Variants in SEMA3D observed in about 807,000 individuals in gnomAD.
The protein encoded by SEMA3D is semaphorin 3D.
Under a neutral mutation model 100.1 loss-of-function variants are expected in SEMA3D, and 84 were observed. That is an observed-to-expected ratio of 0.84 (90% confidence interval 0.70 to 1.01). SEMA3D has a LOEUF of 1.01. Among genes scored for constraint, SEMA3D ranks in the 50% least tolerant of loss-of-function variants. SEMA3D has a pLI of 0.00. For synonymous variants in SEMA3D, 312 were observed against 320.7 expected, an observed-to-expected ratio of 0.97 and a Z score of 0.29; for missense variants, 875 against 934.1, an observed-to-expected ratio of 0.94 and a Z score of 0.82.
At chr7:85,036,274 T>G (rs1790689894) in intron 12 of SEMA3D, among the ~76,000 whole-genome samples, 2 of 152,132 alleles carry the variant, frequency 1.3e-5, no homozygotes, top group African/African-American at 4.8e-5. Context: ...AGTTGTTTTT[T>G]GTTTTAAACA....
chr7:85,161,279 G>T (rs1306721903), intron 1 of SEMA3D, among the ~76,000 whole-genome samples: 1 of 151,944 alleles, frequency 6.6e-6, no homozygotes, highest in Non-Finnish European at 1.5e-5. Context: ...TTTTAACATG[G>T]CTTACAGTGA....
intron 2 of SEMA3D, among the ~76,000 whole-genome samples, chr7:85,136,966 A>C (rs2116450130): frequency 6.6e-6 from 1 of 152,216 alleles, no homozygotes. Context: ...TAAATTTAGT[A>C]TGTTGATATG....
At chr7:85,034,187 T>C (rs1790627418) in intron 12 of SEMA3D, among the ~76,000 whole-genome samples, 1 of 152,182 alleles carries the variant, frequency 6.6e-6, no homozygotes, top group Non-Finnish European at 1.5e-5. Context: ...AGTAAGTTAA[T>C]GTTTGTAAAA....
chr7:85,240,897 A>G, the SEMA3D span, among the ~76,000 whole-genome samples: 1 of 152,158 alleles, frequency 6.6e-6, no homozygotes, highest in East Asian at 1.9e-4. Context: ...GAGTAGGAGA[A>G]AATCTTCACA....
intron 4 of SEMA3D, among the ~76,000 whole-genome samples, chr7:85,094,482 G>A (rs2269995): frequency 0.36 from 55,251 of 151,694 alleles, 11,004 homozygotes; most frequent in African/African-American, 0.53. Context: ...TTTTGCTGGG[G>A]CTACGTCACA....
intron 4 of SEMA3D, among the ~76,000 whole-genome samples, chr7:85,092,031 T>A (rs996347928): frequency 6.6e-6 from 1 of 152,000 alleles, no homozygotes; most frequent in African/African-American, 2.4e-5. Flanking sequence ...TCTTTTCTGC[T>A]CCATTTCTCA....
chr7:85,194,745 A>AT, the SEMA3D span, among the ~76,000 whole-genome samples: 1 of 152,148 alleles, frequency 6.6e-6, no homozygotes. Flanking sequence ...ATTTTCTCAC[A>AT]TTTCTGGAGG....
chr7:85,153,266 T>C (rs960238254), intron 2 of SEMA3D, among the ~76,000 whole-genome samples: 6 of 152,176 alleles, frequency 3.9e-5, no homozygotes, highest in African/African-American at 1.4e-4. Flanking sequence ...CAACTGTATA[T>C]AACTAACAGG....
chr7:85,201,405 G>A, the SEMA3D span, among the ~76,000 whole-genome samples: 1,550 of 152,126 alleles, frequency 0.01, 113 homozygotes, highest in East Asian at 0.2. Flanking sequence ...GTCATTTAAC[G>A]TTTCCTGCTA....
At chr7:85,154,350 T>C (rs1303902419) in intron 1 of SEMA3D, among the ~76,000 whole-genome samples, 1 of 152,058 alleles carries the variant, frequency 6.6e-6, no homozygotes, top group East Asian at 1.9e-4. Context: ...GAAATCTTAT[T>C]TTATTTTTTA....
intron 9 of SEMA3D, chr7:85,050,736 A>G: frequency 3.8e-6 from 2 of 526,176 alleles, no homozygotes; most frequent in Non-Finnish European, 3.4e-6. Context: ...ATCAATCTTC[A>G]AAGCACAAAT....
At chr7:85,187,726 T>A (rs1465289), upstream of SEMA3D, among the ~76,000 whole-genome samples, 101,051 of 152,068 alleles carry the variant, frequency 0.66, 34,296 homozygotes, top group East Asian at 0.92. Context: ...TGAACCTGGA[T>A]CCTATGCAAT....
chr7:85,063,142 G>A (rs541947818), intron 8 of SEMA3D, among the ~76,000 whole-genome samples: 1 of 152,216 alleles, frequency 6.6e-6, no homozygotes, highest in Admixed American at 6.5e-5. Flanking sequence ...AGATTCTATT[G>A]TTAATAGATT....
At chr7:85,182,458 C>T (rs1334321021) in intron 1 of SEMA3D, among the ~76,000 whole-genome samples, 2 of 152,070 alleles carry the variant, frequency 1.3e-5, no homozygotes, top group Non-Finnish European at 2.9e-5. Flanking sequence ...GGTTATACTT[C>T]AATAGTATTT....
At chr7:85,169,814 C>T (rs946758072) in intron 1 of SEMA3D, among the ~76,000 whole-genome samples, 3 of 151,418 alleles carry the variant, frequency 2.0e-5, no homozygotes, top group Non-Finnish European at 4.4e-5. Context: ...GATCACTATG[C>T]TAGGTATCAC....
intron 1 of SEMA3D, among the ~76,000 whole-genome samples, chr7:85,164,018 C>G (rs552901923): frequency 6.6e-6 from 1 of 152,048 alleles, no homozygotes; most frequent in African/African-American, 2.4e-5. Flanking sequence ...ATGAAATAAA[C>G]TCTACACATC....
chr7:85,234,738 A>T, the SEMA3D span, among the ~76,000 whole-genome samples: 1 of 152,344 alleles, frequency 6.6e-6, no homozygotes, highest in East Asian at 1.9e-4. Context: ...GTGTTAAAGG[A>T]ACTAAAATGA....
At chr7:85,141,449 G>T in intron 2 of SEMA3D, 1 of 984,794 alleles carries the variant, frequency 1.0e-6, no homozygotes, top group Non-Finnish European at 1.2e-6. Context: ...AAAAAAGATT[G>T]GTGTCTTGAT....
chr7:85,071,113 G>A (rs190571562), intron 6 of SEMA3D, among the ~76,000 whole-genome samples: 1 of 152,260 alleles, frequency 6.6e-6, no homozygotes. Context: ...GCCCCCCTCA[G>A]CAGGTTGCGA....
Sources: allele counts gnomAD v4.1 joint callset (sites outside exome capture counted in the v4.1 genomes callset), GRCh38; gene constraint gnomAD v4.1.1; transcripts MANE v1.5; gene names NCBI Gene and HGNC (gene_info 2026-07-23, HGNC 2026-07-21).